PRELID2: variants seen among roughly 807,000 people sequenced by gnomAD.
PRELID2 encodes the protein PRELI domain-containing protein 2.
A neutral mutation model predicts 28.4 loss-of-function variants in PRELID2; 25 were observed. That is an observed-to-expected ratio of 0.88 (90% CI 0.64 to 1.23). The LOEUF is 1.23. Among genes scored for constraint, PRELID2 ranks in the 50% most tolerant of loss-of-function variants. The pLI, the probability that PRELID2 is intolerant of heterozygous loss-of-function variation, is 0.00. For synonymous variants in PRELID2, 76 were observed against 71.6 expected, an observed-to-expected ratio of 1.06 and a Z score of -0.31; for missense variants, 201 against 214.4, an observed-to-expected ratio of 0.94 and a Z score of 0.39.
intron 1 of PRELID2, among the ~76,000 whole-genome samples, chr5:145,739,505 G>A (rs1185767579): frequency 1.3e-5 from 2 of 151,660 alleles, no homozygotes; most frequent in East Asian, 1.9e-4. Flanking sequence ...ACTCCACCTC[G>A]AAAAACAAAA....
chr5:145,474,077 A>G (rs1049373260), intron 1 of PRELID2, among the ~76,000 whole-genome samples: 1 of 152,204 alleles, frequency 6.6e-6, no homozygotes, highest in African/African-American at 2.4e-5. Context: ...CAATGTTGAT[A>G]GCAAAGAAAA....
the PRELID2 span, among the ~76,000 whole-genome samples, chr5:145,305,151 G>A: frequency 6.6e-6 from 1 of 152,176 alleles, no homozygotes; most frequent in Admixed American, 6.5e-5. Context: ...AAAGGATAGA[G>A]AGAATAGGAT....
At chr5:145,734,436 C>G (rs1302061959) in intron 1 of PRELID2, among the ~76,000 whole-genome samples, 1 of 152,142 alleles carries the variant, frequency 6.6e-6, no homozygotes, top group African/African-American at 2.4e-5. Flanking sequence ...GTGATTAAAT[C>G]AAATTATTAT....
intron 1 of PRELID2, among the ~76,000 whole-genome samples, chr5:145,730,095 T>A (rs1756295635): frequency 6.6e-6 from 1 of 152,078 alleles, no homozygotes. Flanking sequence ...ACAAGGGGAT[T>A]TATGCCCTGG....
chr5:145,654,829 A>T (rs1489032502), intron 1 of PRELID2, among the ~76,000 whole-genome samples: 1 of 152,200 alleles, frequency 6.6e-6, no homozygotes, highest in Non-Finnish European at 1.5e-5. Flanking sequence ...TTCCCTTTGA[A>T]AACTGGCACA....
chr5:145,476,944 C>T (rs916590205), intron 1 of PRELID2, among the ~76,000 whole-genome samples: 3 of 152,028 alleles, frequency 2.0e-5, no homozygotes, highest in Admixed American at 6.5e-5. Flanking sequence ...TGCCTTAATT[C>T]GTTAATAATT....
intron 1 of PRELID2, among the ~76,000 whole-genome samples, chr5:145,738,936 C>G (rs774430768): frequency 5.3e-5 from 8 of 152,140 alleles, no homozygotes; most frequent in Non-Finnish European, 1.0e-4. Context: ...TCTTAAAAAA[C>G]TGTGAGAGGG....
intron 4 of PRELID2, among the ~76,000 whole-genome samples, chr5:145,797,431 C>A (rs1223571730): frequency 6.6e-6 from 1 of 152,132 alleles, no homozygotes; most frequent in African/African-American, 2.4e-5. Context: ...CTGGCTTCTC[C>A]CTCAGTAGGG....
At chr5:145,336,697 G>A in the PRELID2 span, among the ~76,000 whole-genome samples, 4 of 151,912 alleles carry the variant, frequency 2.6e-5, no homozygotes, top group Non-Finnish European at 4.4e-5. Context: ...CAATAGCAAA[G>A]ACTTGGAACC....
the PRELID2 span, among the ~76,000 whole-genome samples, chr5:145,291,997 C>T: frequency 6.6e-6 from 1 of 152,132 alleles, no homozygotes; most frequent in Admixed American, 6.6e-5. Context: ...TGATATAATC[C>T]ATTAAAGTCC....
At chr5:145,478,129 C>T (rs1457783804) in intron 1 of PRELID2, among the ~76,000 whole-genome samples, 1 of 152,150 alleles carries the variant, frequency 6.6e-6, no homozygotes, top group Non-Finnish European at 1.5e-5. Flanking sequence ...AGCCCTTGTT[C>T]TACTGTCTAG....
chr5:145,357,551 C>T, the PRELID2 span, among the ~76,000 whole-genome samples: 1 of 152,174 alleles, frequency 6.6e-6, no homozygotes, highest in Non-Finnish European at 1.5e-5. Flanking sequence ...TGCAATGGTA[C>T]TATGAAATTC....
At chr5:145,525,956 T>C (rs978563890) in intron 1 of PRELID2, among the ~76,000 whole-genome samples, 2 of 152,174 alleles carry the variant, frequency 1.3e-5, no homozygotes, top group African/African-American at 4.8e-5. Context: ...CTTTCATTCA[T>C]GTACTTCTAA....
intron 1 of PRELID2, among the ~76,000 whole-genome samples, chr5:145,704,731 G>C (rs1372643323): frequency 6.6e-6 from 1 of 152,148 alleles, no homozygotes; most frequent in South Asian, 2.1e-4. Context: ...TGAGAAAGTT[G>C]GGCCACCTAT....
chr5:145,604,748 G>GTTTTTTTTT (rs377653737), intron 1 of PRELID2, among the ~76,000 whole-genome samples: 7 of 108,996 alleles, frequency 6.4e-5, no homozygotes, highest in East Asian at 2.8e-4. Flanking sequence ...GTTTTTTTTG[G>GTTTTTTTTT]TTTTTTTTTT....
chr5:145,677,152 G>GTTT (rs756255750), intron 1 of PRELID2, among the ~76,000 whole-genome samples: 29 of 124,024 alleles, frequency 2.3e-4, no homozygotes, highest in Admixed American at 3.2e-4. Flanking sequence ...TTTGGTTTTG[G>GTTT]TTTTTTTTTT....
intron 6 of PRELID2, among the ~76,000 whole-genome samples, chr5:145,762,062 C>T (rs909504965): frequency 6.6e-6 from 1 of 152,196 alleles, no homozygotes; most frequent in Admixed American, 6.5e-5. Context: ...TACATACATA[C>T]ATATACATAT....
the PRELID2 span, among the ~76,000 whole-genome samples, chr5:145,402,546 A>G: frequency 1.3e-5 from 2 of 152,216 alleles, no homozygotes; most frequent in Non-Finnish European, 2.9e-5. Context: ...GCTGTAGAGC[A>G]GGTCTCCTTG....
the PRELID2 span, among the ~76,000 whole-genome samples, chr5:145,300,720 A>G: frequency 5.6e-5 from 6 of 107,300 alleles, no homozygotes; most frequent in Admixed American, 5.9e-4. Context: ...TTTTTTTTGC[A>G]GTTCAGCTTG....
Sources: gnomAD v4.1 joint callset for allele counts (sites outside exome capture counted in the v4.1 genomes callset) on GRCh38, gnomAD v4.1.1 for gene constraint, MANE v1.5 for transcripts, NCBI Gene and HGNC (gene_info 2026-07-23, HGNC 2026-07-21) for gene names.